SH2D4A: variants seen among roughly 807,000 people sequenced by gnomAD.
The protein encoded by SH2D4A is SH2 domain containing 4A, also known as SH2 domain-containing protein 4A.
In SH2D4A, 70 loss-of-function variants were observed where a neutral mutation model predicts 64.7. That is an observed-to-expected ratio of 1.08 (90% confidence interval 0.89 to 1.32). The LOEUF (loss-of-function observed/expected upper bound fraction) is 1.32, where lower values mean the gene tolerates loss of function less well. Among genes scored for constraint, SH2D4A ranks in the 40% most tolerant of loss-of-function variants. The pLI is 0.00. For missense variants in SH2D4A, 706 were observed against 540.1 expected, an observed-to-expected ratio of 1.31 and a Z score of -3.04; for synonymous variants, 268 against 200.7, an observed-to-expected ratio of 1.34 and a Z score of -2.83.
rs753577591 is a variant in SH2D4A, at chr8:19,364,218, A to G, written c.853A>G (p.Arg285Gly). The change falls in exon 7 of 10, where the codon AGA becomes GGA. Residue 285 changes from arginine (R) to glycine (G), a missense_variant. Transcript: ENST00000265807. ...SPLRVPQKPERPPLPPKPQFL... is the reference protein window; with the variant it reads ...SPLRVPQKPEGPPLPPKPQFL... Reference sequence around the variant, plus strand: ...CTTGCGTGTTCCGCAGAAACCAGAAAGACCTCCCCTTCCACCCAAGCCTCA... The same window carrying G: ...CTTGCGTGTTCCGCAGAAACCAGAAGGACCTCCCCTTCCACCCAAGCCTCA... 1 of 1,614,196 alleles carries G rather than the reference A, an allele frequency of 6.2e-7. No individual in the cohort carries two copies. Among genetic ancestry groups the G allele is most frequent in the Non-Finnish European group, 8.5e-7 (1 of 1,180,006 alleles).
chr8:19,319,805 C>T (rs2052156830), intron 2 of SH2D4A, 77 bp downstream of exon 2: 1 of 1,415,644 alleles, frequency 7.1e-7, no homozygotes, highest in East Asian at 2.5e-5. Flanking sequence ...TCACACTAGT[C>T]ACAAGCAAAG....
intron 1 of SH2D4A, among the ~76,000 whole-genome samples, chr8:19,317,657 C>T (rs1203725300): frequency 5.3e-5 from 8 of 152,068 alleles, no homozygotes; most frequent in Non-Finnish European, 8.8e-5. Context: ...AGGAGGAAGA[C>T]GGGAAGCTGA....
In SH2D4A at chr8:19,382,823, C is replaced by CTTTTTTT. The variant is rs1159245319; in HGVS notation, c.1048+9182_1048+9188dup. Among the ~76,000 whole-genome samples the CTTTTTTT allele has an allele frequency of 7.4e-4, 48 of 64,626 alleles. 1 individual carries two copies. The highest frequency in any genetic ancestry group is 1.1e-3 in the Admixed American group (5 of 4,396). The allele number at this position is 64,626 out of a possible 152,430, so 42.4% of individuals were successfully genotyped here. A position where few individuals can be genotyped will look rare whatever the true frequency, so the allele number is the denominator to read the frequency against. ...TTTCTCTCTTGCTGCTTTTAAGATTCTTTTTTTTTTTTTTTTTTTTTTTTT... is the reference window on the plus strand; with the variant it reads ...TTTCTCTCTTGCTGCTTTTAAGATTCTTTTTTTTTTTTTTTTTTTTTTTTTTTTTTTT... On this transcript the variant is annotated intron_variant, in intron 8 of 9. Transcript: ENST00000265807.
chr8:19,366,173 T>C (rs2052990670), intron 7 of SH2D4A, among the ~76,000 whole-genome samples: 1 of 152,192 alleles, frequency 6.6e-6, no homozygotes, highest in Non-Finnish European at 1.5e-5. Flanking sequence ...TTGTTTTTAA[T>C]TGACACAATA....
At chr8:19,319,060 G>A (rs924357646) in intron 1 of SH2D4A, among the ~76,000 whole-genome samples, 4 of 151,766 alleles carry the variant, frequency 2.6e-5, no homozygotes, top group Admixed American at 2.6e-4. Flanking sequence ...TTGCTTAGTT[G>A]GGAGCTGGAC....
chr8:19,321,724 G>T (rs1208041567), intron 2 of SH2D4A, among the ~76,000 whole-genome samples: 1 of 151,898 alleles, frequency 6.6e-6, no homozygotes, highest in African/African-American at 2.4e-5. Flanking sequence ...GATATAATTG[G>T]GTCTCTTCTG....
At chr8:19,326,447 G>A (rs1019383624) in intron 2 of SH2D4A, among the ~76,000 whole-genome samples, 5 of 152,148 alleles carry the variant, frequency 3.3e-5, no homozygotes, top group African/African-American at 1.2e-4. Flanking sequence ...TGGTGTTGGT[G>A]GGCACCTTGC....
At chr8:19,380,444 G>A (rs2153651011) in intron 8 of SH2D4A, among the ~76,000 whole-genome samples, 1 of 152,050 alleles carries the variant, frequency 6.6e-6, no homozygotes, top group African/African-American at 2.4e-5. Context: ...AGAAATCACT[G>A]CCAAATCCAA....
At chr8:19,353,413 G>T in intron 4 of SH2D4A, among the ~76,000 whole-genome samples, 1 of 147,054 alleles carries the variant, frequency 6.8e-6, no homozygotes. Flanking sequence ...CTGTCACCTA[G>T]GCTGGAGTAC....
At chr8:19,364,020 C>A in intron 6 of SH2D4A, 52 bp from the exon 7 acceptor site, 1 of 1,583,940 alleles carries the variant, frequency 6.3e-7, no homozygotes, top group South Asian at 1.1e-5. Context: ...TGAGCCTTCT[C>A]ACCTGCTCTG....
At chr8:19,378,820 C>T (rs1022992011) in intron 8 of SH2D4A, among the ~76,000 whole-genome samples, 3 of 149,700 alleles carry the variant, frequency 2.0e-5, no homozygotes, top group African/African-American at 4.9e-5. Flanking sequence ...CCAAGGAAGG[C>T]GGATCCTTTG....
intron 4 of SH2D4A, among the ~76,000 whole-genome samples, chr8:19,337,580 A>C (rs1205007021): frequency 6.6e-6 from 1 of 152,154 alleles, no homozygotes; most frequent in Non-Finnish European, 1.5e-5. Context: ...CATGCTGCTG[A>C]TAAAGACATA....
At position 19,373,718 on chromosome 8, in the gene SH2D4A, A is replaced by G. The variant is rs572692190; in HGVS notation, c.1048+58A>G. 18 of 1,530,982 alleles carry G rather than the reference A, an allele frequency of 1.2e-5. No individual in the cohort carries two copies. The South Asian group carries it at 2.3e-4, about 19-fold the overall frequency. 94.8% of individuals were successfully genotyped at this position (1,530,982 alleles called of 1,614,324 possible). ...TCTTAGGGCGGATGAAGCTGTGCTA[A>G]TCTACCAGGAAGCCAGAATAAAAGC... is the stretch of plus-strand genomic sequence containing the variant. On this transcript the variant is annotated intron_variant, in intron 8 of 9. Coordinates refer to ENST00000265807, the MANE Select transcript of SH2D4A (RefSeq NM_022071.4).
At chr8:19,317,812 G>C (rs1413929147) in intron 1 of SH2D4A, among the ~76,000 whole-genome samples, 1 of 152,162 alleles carries the variant, frequency 6.6e-6, no homozygotes, top group African/African-American at 2.4e-5. Context: ...ACATAGTATG[G>C]AGAAACAACG....
At chr8:19,357,892 C>T (rs975820839) in intron 5 of SH2D4A, among the ~76,000 whole-genome samples, 1 of 152,166 alleles carries the variant, frequency 6.6e-6, no homozygotes, top group African/African-American at 2.4e-5. Flanking sequence ...GAGTCTGAAA[C>T]AGCAGCGTAA....
At chr8:19,365,385 CG>C in intron 7 of SH2D4A, among the ~76,000 whole-genome samples, 1 of 152,212 alleles carries the variant, frequency 6.6e-6, no homozygotes, top group African/African-American at 2.4e-5. Context: ...CTTCTCTTAC[CG>C]ACAACAAAGC....
intron 4 of SH2D4A, among the ~76,000 whole-genome samples, chr8:19,344,205 G>A (rs569018917): frequency 1.3e-5 from 2 of 152,142 alleles, no homozygotes; most frequent in African/African-American, 4.8e-5. Context: ...AGCAGGACTA[G>A]GTTCTCTGAT....
At chr8:19,384,306 G>A (rs1462448819) in intron 8 of SH2D4A, among the ~76,000 whole-genome samples, 1 of 152,170 alleles carries the variant, frequency 6.6e-6, no homozygotes, top group Non-Finnish European at 1.5e-5. Context: ...GCTTGGGTTT[G>A]GGAGGGATGG....
rs144414423 is a variant in SH2D4A, at chr8:19,364,211, A to G, written c.846A>G (p.Lys282=). Residue 282 remains lysine, a synonymous_variant, in exon 7 of 10, where the codon AAA becomes AAG. Coordinates refer to ENST00000265807, the MANE Select transcript of SH2D4A (RefSeq NM_022071.4). ...AAAGCCCCTTGCGTGTTCCGCAGAA[A>G]CCAGAAAGACCTCCCCTTCCACCCA... The part of the protein sequence containing the change: ...RLQSPLRVPQ[K]PERPPLPPKP... The G allele has an allele frequency of 6.3e-5, 101 of 1,614,038 alleles. No individual in the cohort carries two copies. The highest frequency in any genetic ancestry group is 7.8e-5 in the Non-Finnish European group (92 of 1,180,014).
Sources: gnomAD v4.1 joint callset for allele counts (sites outside exome capture counted in the v4.1 genomes callset) on GRCh38, gnomAD v4.1.1 for gene constraint, MANE v1.5 for transcripts, NCBI Gene and HGNC (gene_info 2026-07-23, HGNC 2026-07-21) for gene names.